Variants in TIAM2 observed in about 807,000 individuals in gnomAD.
TIAM2 encodes the protein rho guanine nucleotide exchange factor TIAM2.
Under a neutral mutation model 152.9 loss-of-function variants are expected in TIAM2, and 80 were observed. The ratio of observed to expected loss-of-function variants is 0.52; its 90% CI spans 0.44 to 0.63. The LOEUF (loss-of-function observed/expected upper bound fraction) is 0.63, where lower values mean the gene tolerates loss of function less well. Among genes scored for constraint, TIAM2 ranks in the 30% least tolerant of loss-of-function variants. The pLI is 0.00. For synonymous variants in TIAM2, 804 were observed against 838.0 expected, an observed-to-expected ratio of 0.96 and a Z score of 0.70; for missense variants, 1,965 against 2,120.1, an observed-to-expected ratio of 0.93 and a Z score of 1.44.
chr6:155,111,918 C>T (rs1434903266), intron 2 of TIAM2, among the ~76,000 whole-genome samples: 2 of 152,136 alleles, frequency 1.3e-5, no homozygotes, highest in African/African-American at 4.8e-5. Context: ...TGACCTTATC[C>T]TCAAACTCAA....
chr6:155,006,598 G>A (rs576792193), intron 1 of TIAM2, among the ~76,000 whole-genome samples: 4 of 151,142 alleles, frequency 2.6e-5, no homozygotes, highest in African/African-American at 4.9e-5. Context: ...CCCTGGAGGC[G>A]GAGGTTGCAG....
At chr6:155,042,328 G>C (rs1251708562) in intron 1 of TIAM2, among the ~76,000 whole-genome samples, 1 of 152,054 alleles carries the variant, frequency 6.6e-6, no homozygotes, top group African/African-American at 2.4e-5. Flanking sequence ...ATTGCAAGCA[G>C]GGGCTGGGCA....
intron 9 of TIAM2, among the ~76,000 whole-genome samples, chr6:155,166,266 T>C (rs112624752): frequency 0.1 from 15,485 of 152,050 alleles, 877 homozygotes; most frequent in Middle Eastern, 0.16. Flanking sequence ...TTGCTAGTGC[T>C]TATTTTCCCT....
At chr6:155,254,908 C>A in intron 26 of TIAM2, 1 of 204,766 alleles carries the variant, frequency 4.9e-6, no homozygotes, top group Non-Finnish European at 1.0e-5. Context: ...TCCTGAAGGT[C>A]AATGCTGAAT....
chr6:155,168,773 A>G lies in TIAM2; in HGVS notation c.2361+3364A>G, dbSNP rs547278339. ...GTTATAGAACTTTAGTTTTTAAATA[A>G]TGAAAAAGGGTAGCTGGCAGATGAA... On this transcript the variant is annotated intron_variant, in intron 9 of 26. Coordinates refer to ENST00000682666, the MANE Select transcript of TIAM2 (RefSeq NM_012454.4). 2.4e-5 allele frequency: 31 copies of G among 1,292,436 alleles called. No individual in the cohort carries two copies. The Middle Eastern group carries it at 5.6e-4, about 24-fold the overall frequency. 80.1% of individuals were successfully genotyped at this position (1,292,436 alleles called of 1,614,324 possible).
chr6:155,164,539 G>A lies in TIAM2; in HGVS notation c.2153G>A (p.Arg718His), dbSNP rs563281720. 8.1e-6 allele frequency: 13 copies of A among 1,614,076 alleles called. No homozygotes were observed. The highest frequency in any genetic ancestry group is 2.2e-5 in the South Asian group (2 of 91,076). The change falls in exon 8 of 27, where the codon CGC (arginine) becomes CAC (histidine). Residue 718 changes from arginine to histidine, a missense_variant. By Grantham distance (29) the Arg-to-His change is conservative. Around this residue, in one of 3 missense-constraint regions of TIAM2, gnomAD observed 1,025 missense variants for 1,119.4 expected, o/e 0.92. Transcript: ENST00000682666. ...AAGAGTCTCCTTGCAGCCGCCAGCCGCCCCTCCAAGCTGGCCCTCGGCAGG... is the reference window on the plus strand; with the variant it reads ...AAGAGTCTCCTTGCAGCCGCCAGCCACCCCTCCAAGCTGGCCCTCGGCAGG... ...NPKSLLAAAS[R>H]PSKLALGRLG...
chr6:155,119,490 C>T (rs1401759356), intron 2 of TIAM2, among the ~76,000 whole-genome samples: 1 of 152,098 alleles, frequency 6.6e-6, no homozygotes, highest in African/African-American at 2.4e-5. Flanking sequence ...CAGGCATGAG[C>T]CACTGTGACC....
At chr6:155,140,571 TGTGAGAGAGAGA>T (rs1462040745) in intron 5 of TIAM2, among the ~76,000 whole-genome samples, 9 of 110,724 alleles carry the variant, frequency 8.1e-5, no homozygotes, top group African/African-American at 3.3e-4. Flanking sequence ...TGTGTGTGTG[TGTGAGAGAGAGA>T]GAGAGAGAGA....
intron 2 of TIAM2, among the ~76,000 whole-genome samples, chr6:155,123,616 C>T (rs1779224091): frequency 6.6e-6 from 1 of 152,226 alleles, no homozygotes; most frequent in Non-Finnish European, 1.5e-5. Context: ...GGGGCAGAAA[C>T]TTCCACCTGG....
intron 7 of TIAM2, among the ~76,000 whole-genome samples, chr6:155,163,059 G>A (rs1457292429): frequency 6.6e-6 from 1 of 152,158 alleles, no homozygotes; most frequent in African/African-American, 2.4e-5. Context: ...ACTGGAGGGG[G>A]CAGAGTGTCC....
intron 1 of TIAM2, among the ~76,000 whole-genome samples, chr6:155,035,396 T>C (rs1776904336): frequency 6.6e-6 from 1 of 152,074 alleles, no homozygotes; most frequent in South Asian, 2.1e-4. Context: ...AATTTTTGTA[T>C]TTTTAGTAGA....
chr6:155,011,133 CAA>C (rs2114848221), intron 1 of TIAM2, among the ~76,000 whole-genome samples: 1 of 152,028 alleles, frequency 6.6e-6, no homozygotes, highest in East Asian at 1.9e-4. Flanking sequence ...TGACCAAAAC[CAA>C]AACCAAAACC....
At position 155,240,047 on chromosome 6, in the gene TIAM2, G is replaced by A. The variant is rs548080180; in HGVS notation, c.3169-483G>A. Among the ~76,000 whole-genome samples, 19 of 152,352 alleles carry A rather than the reference G, an allele frequency of 1.2e-4. No homozygotes were observed. The South Asian group carries it at 2.3e-3, about 18-fold the overall frequency. ...ACTCCTGGCCCACTGTGGCCAGGTCGTCCTGTAATTGCTCTTGGGCTGTGC... is the reference window on the plus strand; with the variant it reads ...ACTCCTGGCCCACTGTGGCCAGGTCATCCTGTAATTGCTCTTGGGCTGTGC... On this transcript the variant is annotated intron_variant, in intron 15 of 26. Coordinates refer to ENST00000682666, the MANE Select transcript of TIAM2 (RefSeq NM_012454.4).
intron 9 of TIAM2, among the ~76,000 whole-genome samples, chr6:155,171,571 A>T (rs1485619619): frequency 6.6e-6 from 1 of 151,914 alleles, no homozygotes; most frequent in East Asian, 1.9e-4. Flanking sequence ...AACCTAAAAA[A>T]CCCCAAAAAA....
chr6:155,015,917 A>T (rs930692907), intron 1 of TIAM2, among the ~76,000 whole-genome samples: 6 of 145,356 alleles, frequency 4.1e-5, no homozygotes, highest in African/African-American at 1.5e-4. Flanking sequence ...AGCCTGGGCC[A>T]CAGAGCAAGA....
chr6:155,137,675 A>G, intron 5 of TIAM2, 63 bp downstream of exon 5: 1 of 1,487,842 alleles, frequency 6.7e-7, no homozygotes, highest in Non-Finnish European at 8.9e-7. Flanking sequence ...GCTCTTTGCC[A>G]GGAAGTGCCA....
intron 6 of TIAM2, among the ~76,000 whole-genome samples, chr6:155,147,148 C>G (rs926184991): frequency 6.7e-6 from 1 of 149,288 alleles, no homozygotes; most frequent in African/African-American, 2.5e-5. Context: ...ATTTTGTTTC[C>G]CCCCAATATA....
At chr6:155,183,976 T>C (rs1780973172) in intron 14 of TIAM2, among the ~76,000 whole-genome samples, 1 of 152,176 alleles carries the variant, frequency 6.6e-6, no homozygotes, top group Admixed American at 6.5e-5. Flanking sequence ...ACTTTCTTTT[T>C]TAAAATTTAT....
intron 26 of TIAM2, chr6:155,254,851 T>C: frequency 2.9e-6 from 1 of 344,956 alleles, no homozygotes; most frequent in Non-Finnish European, 5.5e-6. Flanking sequence ...CCAGGGACTT[T>C]GTTTTCCTCA....
Sources: allele counts gnomAD v4.1 joint callset (sites outside exome capture counted in the v4.1 genomes callset), GRCh38; gene constraint gnomAD v4.1.1; regional missense constraint gnomAD v4.1.1; transcripts MANE v1.5; gene names NCBI Gene and HGNC (gene_info 2026-07-23, HGNC 2026-07-21).